Variants in ATP1A2 observed in about 807,000 individuals in gnomAD.
The protein encoded by ATP1A2 is sodium/potassium-transporting ATPase subunit alpha-2.
ATP1A2 carries 56 observed loss-of-function variants against 113.1 expected under a neutral mutation model. That is an observed-to-expected ratio of 0.49 (90% CI 0.40 to 0.62). The LOEUF is 0.62. Among genes scored for constraint, ATP1A2 ranks in the 20% least tolerant of loss-of-function variants. The pLI is 0.00. For synonymous variants in ATP1A2, 490 were observed against 526.8 expected (o/e 0.93, Z 0.96); for missense variants, 712 against 1,357.8 (o/e 0.52, Z 7.47).
intron 7 of ATP1A2, 133 bp from the exon 8 acceptor site, chr1:160,127,419 A>G: frequency 1.6e-6 from 2 of 1,257,062 alleles, no homozygotes; most frequent in Non-Finnish European, 2.2e-6. Flanking sequence ...GGGACAACCT[A>G]CTGAATGTGG....
At chr1:160,125,513 A>G (rs1651560358) in intron 7 of ATP1A2, 1 of 510,900 alleles carries the variant, frequency 2.0e-6, no homozygotes, top group African/African-American at 1.9e-5. Flanking sequence ...TGGATTTCAA[A>G]GCTTTCAGGT....
intron 3 of ATP1A2, among the ~76,000 whole-genome samples, chr1:160,122,107 G>A (rs1466447806): frequency 6.6e-6 from 1 of 152,182 alleles, no homozygotes; most frequent in African/African-American, 2.4e-5. Flanking sequence ...ACTCCAGACT[G>A]GGCGATAGAG....
rs747886840 is a variant in ATP1A2 at position 160,130,500 on chromosome 1, C to A, written c.1730C>A (p.Thr577Lys). The change falls in exon 13 of 23, where the codon ACG (threonine) becomes AAG (lysine). Residue 577 changes from threonine to lysine, a missense_variant. Physicochemically the swap from Thr to Lys is moderately conservative, Grantham distance 78. This residue lies in a region of ATP1A2 where 263 missense variants were observed against 380.6 expected (regional missense o/e 0.69). Coordinates refer to ENST00000361216, the MANE Select transcript of ATP1A2 (RefSeq NM_000702.4). ...KFDTDELNFP[T>K]EKLCFVGLMS... is the part of the protein sequence containing the mutation. ...GACACGGATGAGCTGAACTTTCCCA[C>A]GGAGAAGCTTTGCTTTGTGGGGCTC... is the stretch of plus-strand genomic sequence containing the variant. The A allele has an allele frequency of 2.5e-6, 4 of 1,614,132 alleles. No homozygotes were observed. In the Admixed American group the frequency reaches 5.0e-5, roughly 20 times the overall value.
At position 160,129,370 on chromosome 1, in the gene ATP1A2, G is replaced by C. The variant is rs190449395; in HGVS notation, c.1431G>C (p.Glu477Asp). Residue 477 changes from glutamate (E) to aspartate (D), a missense_variant, in exon 11 of 23, where the codon GAG becomes GAC. Glu to Asp is a conservative substitution (Grantham distance 45). Transcript: ENST00000361216. ...KMRDRNPKVAEIPFNSTNKYQ... is the reference protein window; with the variant it reads ...KMRDRNPKVADIPFNSTNKYQ... ...GAGACAGAAACCCCAAGGTGGCAGA[G>C]ATTCCTTTCAACTCTACCAACAAGT... The C allele has an allele frequency of 6.2e-7, 1 of 1,613,970 alleles. No homozygotes were observed. The highest frequency in any genetic ancestry group is 1.3e-5 in the African/African-American group (1 of 75,050).
At position 160,130,107 on chromosome 1, in the gene ATP1A2, T is replaced by C; in HGVS notation, c.1467T>C (p.Ser489=). 6.2e-7 allele frequency: 1 copy of C among 1,614,186 alleles called. No homozygotes were observed. The highest frequency in any genetic ancestry group is 1.3e-5 in the African/African-American group (1 of 75,036). ...PFNSTNKYQL[S]IHEREDSPQS... is the part of the protein sequence containing the mutation. ...ACTACCTGTTGTCTCTCCAGCTGTC[T>C]ATCCACGAGCGAGAAGACAGCCCCC... The change falls in exon 12 of 23, where the codon TCT becomes TCC. Residue 489 remains serine (S), a synonymous_variant. Coordinates refer to ENST00000361216, the MANE Select transcript of ATP1A2 (RefSeq NM_000702.4).
chr1:160,126,681 G>A (rs1651598277), intron 7 of ATP1A2, among the ~76,000 whole-genome samples: 2 of 152,018 alleles, frequency 1.3e-5, no homozygotes, highest in Admixed American at 1.3e-4. Flanking sequence ...ATGTTACCCA[G>A]GCTGGCCTCA....
Position 160,135,105 on chromosome 1 carries a change from T to G in ATP1A2, c.1965-40T>G, listed in dbSNP as rs758391939. 2 of 1,610,964 alleles carry G rather than the reference T, an allele frequency of 1.2e-6. No homozygotes were observed. Among genetic ancestry groups the G allele is most frequent in the East Asian group, 2.2e-5 (1 of 44,612 alleles). The stretch of plus-strand genomic sequence containing the variant: ...AGGGGGCAGGAGGGGCTGGTACAGG[T>G]GCCAGGGGTCAGCTGTCTCTGTCCC... On this transcript the variant is annotated intron_variant, in intron 14 of 22. Transcript: ENST00000361216. The surrounding 1 kb of genome is among the most constrained non-coding windows in gnomAD (Gnocchi z 6.3).
chr1:160,117,191 G>A (rs1414398032), intron 1 of ATP1A2, among the ~76,000 whole-genome samples: 2 of 152,160 alleles, frequency 1.3e-5, no homozygotes, highest in Non-Finnish European at 2.9e-5. Flanking sequence ...CATAGCTGCA[G>A]GAAGATATAC....
At chr1:160,134,277 CCA>C (rs1480054928) in intron 13 of ATP1A2, among the ~76,000 whole-genome samples, 12 of 149,054 alleles carry the variant, frequency 8.1e-5, no homozygotes, top group Non-Finnish European at 1.0e-4. Context: ...TACACACACC[CCA>C]CACACACACA....
At chr1:160,140,107 T>C in intron 22 of ATP1A2, 123 bp downstream of exon 22, 1 of 1,012,826 alleles carries the variant, frequency 9.9e-7, no homozygotes, top group Non-Finnish European at 1.5e-6. Context: ...CACCCTCAGA[T>C]CCTGGGGTCC....
Position 160,127,750 on chromosome 1 carries a change from T to C in ATP1A2, c.947T>C (p.Leu316Pro). 6.2e-7 allele frequency: 1 copy of C among 1,614,160 alleles called. No homozygotes were observed. Among genetic ancestry groups the C allele is most frequent in the Non-Finnish European group, 8.5e-7 (1 of 1,179,994 alleles). The change falls in exon 8 of 23, where the codon CTG (leucine) becomes CCG (proline). Residue 316 changes from leucine (L) to proline (P), a missense_variant. Coordinates refer to ENST00000361216, the MANE Select transcript of ATP1A2 (RefSeq NM_000702.4). ...TCCCTCATCCTGGGCTACAGCTGGC[T>C]GGAGGCAGTCATCTTCCTCATCGGC... ...VLSLILGYSW[L>P]EAVIFLIGII...
rs773407628 is a variant in ATP1A2 at position 160,129,425 on chromosome 1, G to A, written c.1461+25G>A. The stretch of plus-strand genomic sequence containing the variant: ...GGTCTGCTTGGGTTGCCAGGACAGA[G>A]GAAGAGAGAGGGATATAAATGGGTG... On this transcript the variant is annotated intron_variant, in intron 11 of 22. Transcript: ENST00000361216. 3.1e-6 allele frequency: 5 copies of A among 1,608,816 alleles called. No individual in the cohort carries two copies. The Admixed American group carries it at 8.3e-5, about 27-fold the overall frequency.
At chr1:160,124,123 G>T (rs1651506145) in intron 5 of ATP1A2, 67 bp downstream of exon 5, 1 of 1,589,490 alleles carries the variant, frequency 6.3e-7, no homozygotes. Context: ...CTCATCTTTT[G>T]TCAGCTCCCA....
rs1214824372 is a variant in ATP1A2, at chr1:160,129,262, G to T, written c.1327-4G>T. ...TGACACTGAATTCTTGTCTCTTCTG[G>T]CAGCGGGACACAGCTGGTGATGCCT... On this transcript the variant is annotated splice_region_variant and splice_polypyrimidine_tract_variant and intron_variant, in intron 10 of 22. Coordinates refer to ENST00000361216, the MANE Select transcript of ATP1A2 (RefSeq NM_000702.4). 6.2e-7 allele frequency: 1 copy of T among 1,613,974 alleles called. No individual in the cohort carries two copies. The highest frequency in any genetic ancestry group is 1.7e-5 in the Admixed American group (1 of 59,998).
At chr1:160,125,755 C>T (rs113368253) in intron 7 of ATP1A2, among the ~76,000 whole-genome samples, 8 of 152,214 alleles carry the variant, frequency 5.3e-5, no homozygotes, top group Admixed American at 2.6e-4. Context: ...TGCTTCTAAC[C>T]TTTGTTACAT....
At chr1:160,137,200 C>A in intron 20 of ATP1A2, 169 bp downstream of exon 20, 1 of 1,139,338 alleles carries the variant, frequency 8.8e-7, no homozygotes, top group East Asian at 2.5e-5. Context: ...AGAGAGAAGC[C>A]ATGCTTCAGG....
At chr1:160,136,868 A>T (rs754547974) in intron 19 of ATP1A2, 33 bp from the exon 20 acceptor site, 34 of 1,613,790 alleles carry the variant, frequency 2.1e-5, no homozygotes, top group Non-Finnish European at 2.9e-5. Context: ...TTCCTCCGAC[A>T]CTCTCATCTG....
chr1:160,116,562 TC>T (rs1651193905), intron 1 of ATP1A2, among the ~76,000 whole-genome samples: 1 of 150,730 alleles, frequency 6.6e-6, no homozygotes. Flanking sequence ...AGTCCACCCG[TC>T]CATGGCATTC....
chr1:160,127,823 G>C lies in ATP1A2; in HGVS notation c.1017+3G>C. 6.3e-7 allele frequency: 1 copy of C among 1,593,486 alleles called. No individual in the cohort carries two copies. The highest frequency in any genetic ancestry group is 8.6e-7 in the Non-Finnish European group (1 of 1,168,632). ...AGGGGCTTCTGGCCACTGTCACTGTGAGTGGGTCAGGCTGAGGTGCCACCA... is the reference window on the plus strand; with the variant it reads ...AGGGGCTTCTGGCCACTGTCACTGTCAGTGGGTCAGGCTGAGGTGCCACCA... On this transcript the variant is annotated splice_donor_region_variant and intron_variant, in intron 8 of 22. Coordinates refer to ENST00000361216, the MANE Select transcript of ATP1A2 (RefSeq NM_000702.4).
Sources: allele counts gnomAD v4.1 joint callset (sites outside exome capture counted in the v4.1 genomes callset), GRCh38; gene constraint gnomAD v4.1.1; regional missense constraint gnomAD v4.1.1; non-coding constraint Gnocchi (gnomAD v3.1); transcripts MANE v1.5; gene names NCBI Gene and HGNC (gene_info 2026-07-23, HGNC 2026-07-21).